The following AMZ2 variants were observed in gnomAD, a reference collection of about 807,000 sequenced individuals.
AMZ2 encodes archaemetzincin-2.
Under a neutral mutation model 36.7 loss-of-function variants are expected in AMZ2, and 26 were observed. That is an observed-to-expected ratio of 0.71 (90% CI 0.52 to 0.98). The LOEUF is 0.98. Among genes scored for constraint, AMZ2 ranks in the 50% least tolerant of loss-of-function variants. The pLI, the probability that AMZ2 is intolerant of heterozygous loss-of-function variation, is 0.00. For missense variants in AMZ2, 394 were observed against 430.5 expected (o/e 0.92, Z 0.75); for synonymous variants, 144 against 149.1 (o/e 0.97, Z 0.25).
intron 1 of AMZ2, among the ~76,000 whole-genome samples, chr17:68,208,639 A>G (rs1198662954): frequency 6.6e-6 from 1 of 152,180 alleles, no homozygotes; most frequent in Non-Finnish European, 1.5e-5. Flanking sequence ...CACATTGTGG[A>G]AGCTTTGTTC....
At chr17:68,251,993 G>A (rs1373545203) in intron 4 of AMZ2, among the ~76,000 whole-genome samples, 2 of 151,524 alleles carry the variant, frequency 1.3e-5, no homozygotes, top group African/African-American at 4.9e-5. Flanking sequence ...GATGGGAAAG[G>A]TTCTGCAAAC....
At chr17:68,210,669 C>G (rs1438268317) in intron 1 of AMZ2, among the ~76,000 whole-genome samples, 1 of 152,086 alleles carries the variant, frequency 6.6e-6, no homozygotes, top group Non-Finnish European at 1.5e-5. Flanking sequence ...TAGAGACAAC[C>G]AGGTGTGGTA....
Position 68,209,632 on chromosome 17 carries a change from A to ATATATATATATATGTATATATATTT in AMZ2, c.-67+3395_-67+3396insATATATATATATGTATATATATTTT. 1.5e-3 allele frequency among the ~76,000 whole-genome samples: 139 copies of ATATATATATATATGTATATATATTT among 90,562 alleles called. 2 individuals carry two copies. The highest frequency in any genetic ancestry group is 6.7e-3 in the Middle Eastern group (1 of 150). The allele number at this position is 90,562 out of a possible 152,430, so 59.4% of individuals were successfully genotyped here. A position where few individuals can be genotyped will look rare whatever the true frequency, so the allele number is the denominator to read the frequency against. On this transcript the variant is annotated intron_variant, in intron 1 of 7. Transcript: ENST00000674770. ...TATGTATATATATATATATATATAT[A>ATATATATATATATGTATATATATTT]TTTTTTTTTTTTTTTATACAGAGTC...
intron 1 of AMZ2, among the ~76,000 whole-genome samples, chr17:68,214,560 GGA>G (rs1163414814): frequency 5.3e-5 from 8 of 152,114 alleles, no homozygotes; most frequent in Non-Finnish European, 1.2e-4. Flanking sequence ...AGCTTGAAGG[GGA>G]GAGAGATGGT....
rs782420385 is a variant in AMZ2 at position 68,223,898 on chromosome 17, A to ATATAT, written c.-67+17661_-67+17662insATATT. ...ACCCAGCTAATTTATATATATATAT[A>ATATAT]TTTTTTTTTGAAACGGAGTCTCGCT... is the stretch of plus-strand genomic sequence containing the variant. On this transcript the variant is annotated intron_variant, in intron 1 of 7. Coordinates refer to the AMZ2 transcript ENST00000674770. Among the ~76,000 whole-genome samples, 313 of 111,692 alleles carry ATATAT rather than the reference A, an allele frequency of 2.8e-3. 3 individuals carry two copies. Among genetic ancestry groups the ATATAT allele is most frequent in the Non-Finnish European group, 3.3e-3 (171 of 51,134 alleles). 73.3% of individuals were successfully genotyped at this position (111,692 alleles called of 152,430 possible).
chr17:68,235,578 C>T lies in AMZ2; in HGVS notation c.-66-13062C>T, dbSNP rs527244551. Among the ~76,000 whole-genome samples, 24 of 152,124 alleles carry T rather than the reference C, an allele frequency of 1.6e-4. No individual in the cohort carries two copies. In the East Asian group the frequency reaches 3.3e-3, roughly 21 times the overall value. On this transcript the variant is annotated intron_variant, in intron 1 of 7. Coordinates refer to the AMZ2 transcript ENST00000674770. The surrounding 1 kb of genome is among the most constrained non-coding windows in gnomAD (Gnocchi z 4.2). Reference sequence around the variant, plus strand: ...GCTTCCCCCTTACGGAGCCCCTATCCGGGACAGCCTCAATCCCTCAGGGCC... The same window carrying T: ...GCTTCCCCCTTACGGAGCCCCTATCTGGGACAGCCTCAATCCCTCAGGGCC...
intron 1 of AMZ2, among the ~76,000 whole-genome samples, chr17:68,217,592 G>A (rs1555727598): frequency 1.3e-5 from 2 of 152,140 alleles, no homozygotes; most frequent in South Asian, 2.1e-4. Flanking sequence ...TGAGATTAAA[G>A]TAATTTCAGT....
intron 1 of AMZ2, among the ~76,000 whole-genome samples, chr17:68,208,613 C>G (rs1403469857): frequency 1.3e-5 from 2 of 152,200 alleles, no homozygotes; most frequent in Non-Finnish European, 2.9e-5. Flanking sequence ...AGTGGCAACC[C>G]ATTCAGGTCC....
chr17:68,207,726 G>GCCCGC (rs1443072483), intron 1 of AMZ2, among the ~76,000 whole-genome samples: 3 of 152,244 alleles, frequency 2.0e-5, no homozygotes, highest in Non-Finnish European at 4.4e-5. Flanking sequence ...GGCTGTCGGC[G>GCCCGC]CCTCCTCGGC....
At chr17:68,254,327 C>A in intron 4 of AMZ2, 77 bp from the exon 5 acceptor site, 1 of 1,441,850 alleles carries the variant, frequency 6.9e-7, no homozygotes, top group Non-Finnish European at 9.4e-7. Flanking sequence ...GCCAGATGGG[C>A]CAGCAGTCTC....
intron 1 of AMZ2, among the ~76,000 whole-genome samples, chr17:68,238,408 A>G (rs547038888): frequency 6.6e-6 from 1 of 152,210 alleles, no homozygotes. Context: ...AAGTCTTCCT[A>G]AATGCTATGT....
chr17:68,232,560 G>C (rs1438329993), intron 1 of AMZ2, among the ~76,000 whole-genome samples: 2 of 151,922 alleles, frequency 1.3e-5, no homozygotes, highest in African/African-American at 4.8e-5. Flanking sequence ...AAACCTTTGG[G>C]CTGGGTGTGG....
At chr17:68,256,092 G>A (rs1157603431) in intron 6 of AMZ2, among the ~76,000 whole-genome samples, 1 of 152,212 alleles carries the variant, frequency 6.6e-6, no homozygotes, top group Non-Finnish European at 1.5e-5. Context: ...ATGAGAAATA[G>A]TGGAAGAAGT....
chr17:68,252,590 A>G (rs1555740434), intron 4 of AMZ2, among the ~76,000 whole-genome samples: 1 of 152,082 alleles, frequency 6.6e-6, no homozygotes, highest in Non-Finnish European at 1.5e-5. Context: ...TGCAACCTCA[A>G]CCTCCTGGGC....
intron 1 of AMZ2, among the ~76,000 whole-genome samples, chr17:68,228,833 A>G (rs1555730517): frequency 1.3e-5 from 2 of 152,192 alleles, no homozygotes; most frequent in Non-Finnish European, 2.9e-5. Context: ...CCGACCCACC[A>G]CTGCCTCAAG....
At chr17:68,247,753 G>A (rs12936261), upstream of AMZ2, 339,252 of 985,308 alleles carry the variant, frequency 0.34, 58,659 homozygotes, top group East Asian at 0.51. Context: ...AGCGACGCGG[G>A]CGCATCTGTG....
At chr17:68,244,169 G>T (rs1266738200), upstream of AMZ2, among the ~76,000 whole-genome samples, 1 of 152,192 alleles carries the variant, frequency 6.6e-6, no homozygotes, top group East Asian at 1.9e-4. Flanking sequence ...TGTCAGGCTG[G>T]ACTGGTATTG....
chr17:68,211,776 GTATA>G (rs1195419146), intron 1 of AMZ2, among the ~76,000 whole-genome samples: 4 of 122,746 alleles, frequency 3.3e-5, no homozygotes, highest in African/African-American at 1.7e-4. Flanking sequence ...ATGTGTATAT[GTATA>G]TATGTATATG....
chr17:68,230,112 G>A (rs148703087), intron 1 of AMZ2, among the ~76,000 whole-genome samples: 6 of 152,082 alleles, frequency 3.9e-5, no homozygotes, highest in African/African-American at 1.2e-4. Context: ...CCCTCTTGTC[G>A]TCCAGGTTGG....
Sources: allele counts gnomAD v4.1 joint callset (sites outside exome capture counted in the v4.1 genomes callset), GRCh38; gene constraint gnomAD v4.1.1; non-coding constraint Gnocchi (gnomAD v3.1); transcripts MANE v1.5; gene names NCBI Gene and HGNC (gene_info 2026-07-23, HGNC 2026-07-21).